Variants in ZBTB46 observed in about 807,000 individuals in gnomAD.
ZBTB46 encodes zinc finger and BTB domain-containing protein 46.
Under a neutral mutation model 44.1 loss-of-function variants are expected in ZBTB46, and 8 were observed. That is an observed-to-expected ratio of 0.18 (90% CI 0.11 to 0.33). The LOEUF is 0.33. ZBTB46 is among the 10% of genes least tolerant of loss of function. The probability of loss-of-function intolerance (pLI) is 1.00; values close to 1 mark genes in which losing one functional copy is unlikely to be tolerated. For missense variants in ZBTB46, 651 were observed against 847.7 expected, an observed-to-expected ratio of 0.77 and a Z score of 2.88; for synonymous variants, 409 against 382.3, an observed-to-expected ratio of 1.07 and a Z score of -0.81.
intron 2 of ZBTB46, among the ~76,000 whole-genome samples, chr20:63,789,336 G>GC (rs2092540766): frequency 1.3e-5 from 2 of 152,076 alleles, no homozygotes; most frequent in Non-Finnish European, 2.9e-5. Context: ...ATTCACTATA[G>GC]CAACAGTGAC....
At chr20:63,810,232 CCAAA>C (rs1189733858) in intron 1 of ZBTB46, among the ~76,000 whole-genome samples, 3 of 152,128 alleles carry the variant, frequency 2.0e-5, no homozygotes, top group African/African-American at 7.2e-5. Context: ...AGAAAAAGAC[CCAAA>C]CACTCGACAA....
In ZBTB46 at chr20:63,803,589, C is replaced by T. The variant is rs923955494; in HGVS notation, c.-33-12799G>A. The T allele has an allele frequency of 2.1e-5, 20 of 946,468 alleles. No homozygotes were observed. The highest frequency in any genetic ancestry group is 7.1e-5 in the African/African-American group (4 of 56,362). 58.6% of individuals were successfully genotyped at this position (946,468 alleles called of 1,614,324 possible). ...GGCCCCGGGCTGCCCAGGTCTCTGT[C>T]GGAGGCCCTGCCAGCCCCGCCCCTC... On this transcript the variant is annotated intron_variant, in intron 1 of 4. Transcript: ENST00000245663. The surrounding 1 kb of genome is among the most constrained non-coding windows in gnomAD (Gnocchi z 4.0).
chr20:63,769,200 A>G (rs2092346203), intron 3 of ZBTB46: 1 of 985,348 alleles, frequency 1.0e-6, no homozygotes, highest in African/African-American at 1.7e-5. Context: ...CCATGCCCCA[A>G]GTGTTTGGCC....
rs1407967977 is a variant in ZBTB46 at position 63,787,481 on chromosome 20, C to T, written c.937+2340G>A. On this transcript the variant is annotated intron_variant, in intron 2 of 4. Coordinates refer to ENST00000245663, the MANE Select transcript of ZBTB46 (RefSeq NM_001369741.1). This position sits in a 1 kb window ranked among gnomAD's most constrained non-coding sequence, Gnocchi z 4.6. Reference sequence around the variant, plus strand: ...TGGCAGGGGCCCTACCCAGGCATGCCGTTATCTTGTATACCCTATTTTTAC... The same window carrying T: ...TGGCAGGGGCCCTACCCAGGCATGCTGTTATCTTGTATACCCTATTTTTAC... Among the ~76,000 whole-genome samples the T allele has an allele frequency of 1.3e-5, 2 of 152,188 alleles. No individual in the cohort carries two copies. Among genetic ancestry groups the T allele is most frequent in the Non-Finnish European group, 2.9e-5 (2 of 68,036 alleles).
rs1447902246 is a variant in ZBTB46 at position 63,745,163 on chromosome 20, AG to A, written c.*1766del. On this transcript the variant is annotated 3_prime_UTR_variant, in exon 5 of 5. Transcript: ENST00000245663. ...CCCACCTTGCTCGGTAAGAGTGGGCAGGGCTCACCGCTGAGGGGCCAGCGCT... is the reference window on the plus strand; with the variant it reads ...CCCACCTTGCTCGGTAAGAGTGGGCAGGCTCACCGCTGAGGGGCCAGCGCT... 6.6e-6 allele frequency: 1 copy of A among 152,256 alleles called. No homozygotes were observed. The highest frequency in any genetic ancestry group is 2.4e-5 in the African/African-American group (1 of 41,442). 9.4% of individuals were successfully genotyped at this position (152,256 alleles called of 1,614,324 possible).
At chr20:63,828,608 C>G (rs1024204046) in intron 1 of ZBTB46, among the ~76,000 whole-genome samples, 6 of 152,226 alleles carry the variant, frequency 3.9e-5, no homozygotes, top group African/African-American at 7.2e-5. Flanking sequence ...GGAGAAGCAG[C>G]AGCCTGAGTT....
At chr20:63,805,736 A>G (rs1359837980) in intron 1 of ZBTB46, among the ~76,000 whole-genome samples, 2 of 150,494 alleles carry the variant, frequency 1.3e-5, no homozygotes, top group African/African-American at 4.9e-5. Context: ...TAATACACAA[A>G]GCCATGCATC....
chr20:63,761,811 A>T (rs372094688), intron 3 of ZBTB46, among the ~76,000 whole-genome samples: 20 of 151,180 alleles, frequency 1.3e-4, no homozygotes, highest in African/African-American at 4.9e-4. Context: ...TATCATTTCC[A>T]TAGGGATTTA....
chr20:63,763,353 T>C (rs2092293068), intron 3 of ZBTB46, among the ~76,000 whole-genome samples: 1 of 152,208 alleles, frequency 6.6e-6, no homozygotes, highest in Admixed American at 6.5e-5. Context: ...TATAAAGAAA[T>C]ACCTGCAACT....
chr20:63,768,000 C>A lies in ZBTB46; in HGVS notation c.1222+7678G>T. 1.0e-6 allele frequency: 1 copy of A among 985,446 alleles called. No homozygotes were observed. Among genetic ancestry groups the A allele is most frequent in the Non-Finnish European group, 1.2e-6 (1 of 829,930 alleles). 61.0% of individuals were successfully genotyped at this position (985,446 alleles called of 1,614,324 possible). On this transcript the variant is annotated intron_variant, in intron 3 of 4. Transcript: ENST00000245663. This position sits in a 1 kb window ranked among gnomAD's most constrained non-coding sequence, Gnocchi z 5.0. ...GTGTCGATCTGGAACCAGAGACAGA[C>A]AAGTTACAGACCGTCAGGATGGGAT...
In ZBTB46 at chr20:63,811,263, G is replaced by A. The variant is rs138464184; in HGVS notation, c.-34+19834C>T. 2.0e-4 allele frequency among the ~76,000 whole-genome samples: 31 copies of A among 152,294 alleles called. No individual in the cohort carries two copies. The East Asian group carries it at 4.2e-3, about 21-fold the overall frequency. On this transcript the variant is annotated intron_variant, in intron 1 of 4. Transcript: ENST00000245663. ...ATGAGCCCCCCTAGGGGCAAGAGACGACAACAGGTGGACAAGATGCGAGCC... is the reference window on the plus strand; with the variant it reads ...ATGAGCCCCCCTAGGGGCAAGAGACAACAACAGGTGGACAAGATGCGAGCC...
At position 63,747,193 on chromosome 20, in the gene ZBTB46, C is replaced by T. The variant is rs781576028; in HGVS notation, c.1507G>A (p.Asp503Asn). ...HGSRRHGVCT[D>N]CAGRGMAGPL... ...CCGGCCATGCCGCGGCCAGCACAGT[C>T]GGTGCACACACCGTGGCGCCTGGAG... The change falls in exon 5 of 5, where the codon GAC (aspartate) becomes AAC (asparagine). Residue 503 changes from aspartate (D) to asparagine (N), a missense_variant. Asp to Asn is a conservative substitution (Grantham distance 23, BLOSUM62 1). Coordinates refer to ENST00000245663, the MANE Select transcript of ZBTB46 (RefSeq NM_001369741.1). 2.7e-5 allele frequency: 43 copies of T among 1,607,458 alleles called. No individual in the cohort carries two copies. The highest frequency in any genetic ancestry group is 5.0e-5 in the Admixed American group (3 of 59,644).
chr20:63,808,976 CAAAAAAAAAAAA>C (rs1157399042), intron 1 of ZBTB46, among the ~76,000 whole-genome samples: 30 of 75,234 alleles, frequency 4.0e-4, no homozygotes, highest in African/African-American at 5.8e-4. Flanking sequence ...GACTCCGCTT[CAAAAAAAAAAAA>C]AAAAAAAAAA....
In ZBTB46 at chr20:63,752,677, C is replaced by T. The variant is rs373559516; in HGVS notation, c.1398+9G>A. ...CAGCGCGCGGCACGCGGACCCTCCC[C>T]GCACTCACCAGCGTGTGGCGCTTCA... On this transcript the variant is annotated intron_variant, in intron 4 of 4. Transcript: ENST00000245663. This position sits in a 1 kb window ranked among gnomAD's most constrained non-coding sequence, Gnocchi z 5.6. 9.0e-6 allele frequency: 14 copies of T among 1,561,398 alleles called. No homozygotes were observed. Among genetic ancestry groups the T allele is most frequent in the African/African-American group, 5.4e-5 (4 of 74,258 alleles).
intron 1 of ZBTB46, chr20:63,808,015 C>T (rs2092692591): frequency 6.6e-6 from 1 of 151,762 alleles, no homozygotes; most frequent in African/African-American, 2.4e-5. Flanking sequence ...GGAAGCTGAA[C>T]GGACCTTCCC....
chr20:63,769,526 GT>G, intron 3 of ZBTB46: 1 of 851,010 alleles, frequency 1.2e-6, no homozygotes, highest in East Asian at 1.2e-4. Flanking sequence ...GGAGGCAGGT[GT>G]TTGAACGCTT....
At chr20:63,812,524 C>G (rs559264882) in intron 1 of ZBTB46, among the ~76,000 whole-genome samples, 1 of 152,278 alleles carries the variant, frequency 6.6e-6, no homozygotes, top group Non-Finnish European at 1.5e-5. Context: ...CGCCTATAAT[C>G]CCAGTGCTTT....
intron 4 of ZBTB46, among the ~76,000 whole-genome samples, chr20:63,749,561 C>T (rs1400862836): frequency 6.6e-6 from 1 of 152,354 alleles, no homozygotes; most frequent in South Asian, 2.1e-4. Flanking sequence ...TGGTCTCGAT[C>T]TCCTGACCTC....
At chr20:63,763,399 C>T (rs553817835) in intron 3 of ZBTB46, among the ~76,000 whole-genome samples, 4 of 152,262 alleles carry the variant, frequency 2.6e-5, no homozygotes, top group East Asian at 1.9e-4. Flanking sequence ...GATTGGCTCA[C>T]GGTTCTGCAG....
Sources: gnomAD v4.1 joint callset for allele counts (sites outside exome capture counted in the v4.1 genomes callset) on GRCh38, gnomAD v4.1.1 for gene constraint, Gnocchi (gnomAD v3.1) non-coding constraint, MANE v1.5 for transcripts, NCBI Gene and HGNC (gene_info 2026-07-23, HGNC 2026-07-21) for gene names.